The following PER2 variants were observed in gnomAD, a reference collection of about 807,000 sequenced individuals.
The protein encoded by PER2 is period circadian protein homolog 2.
A neutral mutation model predicts 121.0 loss-of-function variants in PER2; 66 were observed. That is an observed-to-expected ratio of 0.55 (90% CI 0.45 to 0.67). PER2 has a LOEUF of 0.67. Ranked by LOEUF, PER2 falls within the 30% of genes least tolerant of loss-of-function variation. The probability of loss-of-function intolerance (pLI) is 0.00; values close to 1 mark genes in which losing one functional copy is unlikely to be tolerated. For synonymous variants in PER2, 684 were observed against 659.9 expected, an observed-to-expected ratio of 1.04 and a Z score of -0.56; for missense variants, 1,521 against 1,635.0, an observed-to-expected ratio of 0.93 and a Z score of 1.20.
chr2:238,264,681 G>C (rs905860881), intron 9 of PER2, among the ~76,000 whole-genome samples: 4 of 152,136 alleles, frequency 2.6e-5, no homozygotes, highest in African/African-American at 9.7e-5. Flanking sequence ...CTGGAGTGCA[G>C]TGGTGCAATC....
chr2:238,289,640 TC>T, upstream of PER2: 1 of 152,172 alleles, frequency 6.6e-6, no homozygotes, highest in East Asian at 1.9e-4. Flanking sequence ...ACCAGAGCTA[TC>T]CCCACAGGCT....
At chr2:238,295,929 T>C in the PER2 span, 1 of 227,152 alleles carries the variant, frequency 4.4e-6, no homozygotes. Context: ...GCACGGATGG[T>C]TTGTTTGCAT....
chr2:238,246,366 G>A lies in PER2; in HGVS notation c.*9C>T, dbSNP rs747292230. 9 of 1,594,096 alleles carry A rather than the reference G, an allele frequency of 5.6e-6. No homozygotes were observed. In the Admixed American group the frequency reaches 1.4e-4, roughly 24 times the overall value. ...CCTCGCTGGCTGCCGGGCTGAGGTGGGGCAGGGGTTACGTCTGCTCTTCGA... is the reference window on the plus strand; with the variant it reads ...CCTCGCTGGCTGCCGGGCTGAGGTGAGGCAGGGGTTACGTCTGCTCTTCGA... On this transcript the variant is annotated 3_prime_UTR_variant, in exon 23 of 23. Coordinates refer to ENST00000254657, the MANE Select transcript of PER2 (RefSeq NM_022817.3).
rs750161141 is a variant in PER2 at position 238,262,241 on chromosome 2, G to A, written c.1257C>T (p.Asn419=). ...TLDTSWSSFI[N]PWSRKISFII... is the part of the protein sequence containing the mutation. ...TGAAGGAGATTTTCCTGCTCCATGGGTTGATGAAGCTGGACCAGCTGGTGT... is the reference window on the plus strand; with the variant it reads ...TGAAGGAGATTTTCCTGCTCCATGGATTGATGAAGCTGGACCAGCTGGTGT... Residue 419 remains asparagine (N), a synonymous_variant, in exon 11 of 23, where the codon AAC becomes AAT. Coordinates refer to ENST00000254657, the MANE Select transcript of PER2 (RefSeq NM_022817.3). 1 of 1,613,990 alleles carries A rather than the reference G, an allele frequency of 6.2e-7. No homozygotes were observed. Among genetic ancestry groups the A allele is most frequent in the Non-Finnish European group, 8.5e-7 (1 of 1,179,928 alleles).
At chr2:238,277,219 A>T (rs1231782887) in intron 2 of PER2, 26 bp from the exon 3 acceptor site, 1 of 1,481,940 alleles carries the variant, frequency 6.7e-7, no homozygotes. Flanking sequence ...ATAAAAGCAA[A>T]ATTTAGACAA....
At chr2:238,270,296 T>G (rs1411690887) in intron 6 of PER2, among the ~76,000 whole-genome samples, 1 of 152,124 alleles carries the variant, frequency 6.6e-6, no homozygotes, top group Non-Finnish European at 1.5e-5. Flanking sequence ...TCCTTTAAAA[T>G]GTGAAATGTC....
upstream of PER2, among the ~76,000 whole-genome samples, chr2:238,290,264 A>G (rs1396691739): frequency 6.6e-6 from 1 of 152,108 alleles, no homozygotes; most frequent in Non-Finnish European, 1.5e-5. Context: ...TTCCTCTGAC[A>G]TTGACACCTC....
the PER2 span, chr2:238,299,828 T>C: frequency 2.0e-5 from 3 of 152,266 alleles, no homozygotes; most frequent in African/African-American, 7.2e-5. Flanking sequence ...GCAAGGTGTT[T>C]GTTCTCAAGA....
At chr2:238,277,518 G>T (rs1018608237) in intron 2 of PER2, among the ~76,000 whole-genome samples, 189 bp downstream of exon 2, 5 of 152,198 alleles carry the variant, frequency 3.3e-5, no homozygotes, top group Non-Finnish European at 5.9e-5. Flanking sequence ...GTTGGCAACT[G>T]GATCTGCGAA....
At chr2:238,266,099 T>A (rs1435006204) in intron 8 of PER2, among the ~76,000 whole-genome samples, 5 of 151,858 alleles carry the variant, frequency 3.3e-5, no homozygotes, top group Non-Finnish European at 7.4e-5. Context: ...GAGGTGGGGT[T>A]TCACCGTGTT....
At chr2:238,272,502 G>A (rs972050304) in intron 5 of PER2, among the ~76,000 whole-genome samples, 5 of 152,240 alleles carry the variant, frequency 3.3e-5, no homozygotes, top group African/African-American at 1.2e-4. Context: ...AGATGGGAAG[G>A]ATTAGGGAGC....
chr2:238,293,267 A>C (rs753540532), upstream of PER2, among the ~76,000 whole-genome samples: 42 of 152,358 alleles, frequency 2.8e-4, no homozygotes, highest in Non-Finnish European at 5.3e-4. Context: ...TAAAATAATT[A>C]GTACCTGAAG....
At chr2:238,258,248 T>C (rs1478849158) in intron 16 of PER2, 28 bp downstream of exon 16, 1 of 1,613,218 alleles carries the variant, frequency 6.2e-7, no homozygotes, top group Non-Finnish European at 8.5e-7. Flanking sequence ...TTATTTCACA[T>C]GTACATGGCT....
Position 238,277,164 on chromosome 2 carries a change from T to A in PER2, c.260A>T (p.Lys87Ile). 6.2e-7 allele frequency: 1 copy of A among 1,613,526 alleles called. No homozygotes were observed. The highest frequency in any genetic ancestry group is 8.5e-7 in the Non-Finnish European group (1 of 1,179,442). The change falls in exon 3 of 23, where the codon AAA becomes ATA. Residue 87 changes from lysine (K) to isoleucine (I), a missense_variant. By Grantham distance (102) the Lys-to-Ile change is moderately radical. Coordinates refer to ENST00000254657, the MANE Select transcript of PER2 (RefSeq NM_022817.3). ...SPDTFSLMMA[K>I]SEHNPSTSGC... ...ACTTGTAGATGGGTTGTGTTCAGAT[T>A]TTGCCATCATCAGGCTAAAGGTATC... is the stretch of plus-strand genomic sequence containing the variant.
intron 6 of PER2, 113 bp downstream of exon 6, chr2:238,271,199 C>T: frequency 2.2e-6 from 2 of 892,384 alleles, no homozygotes; most frequent in South Asian, 1.3e-5. Context: ...GCGGCCCCCA[C>T]AGGTGGGCTC....
chr2:238,249,317 T>C, intron 21 of PER2, 105 bp from the exon 22 acceptor site: 1 of 1,208,872 alleles, frequency 8.3e-7, no homozygotes, highest in Non-Finnish European at 1.2e-6. Context: ...TTAATGCAAA[T>C]TTCCTTTTCT....
At chr2:238,262,162 G>C in intron 11 of PER2, 29 bp downstream of exon 11, 1 of 1,610,160 alleles carries the variant, frequency 6.2e-7, no homozygotes, top group African/African-American at 1.3e-5. Flanking sequence ...CAAGACCCCT[G>C]AGCCACCTCG....
chr2:238,259,154 G>A (rs1348315483), intron 14 of PER2, among the ~76,000 whole-genome samples: 1 of 152,198 alleles, frequency 6.6e-6, no homozygotes, highest in Non-Finnish European at 1.5e-5. Flanking sequence ...CAGCTCATTA[G>A]CGTGTCCCCA....
At chr2:238,292,275 T>C (rs1186118260), upstream of PER2, among the ~76,000 whole-genome samples, 1 of 152,226 alleles carries the variant, frequency 6.6e-6, no homozygotes, top group East Asian at 1.9e-4. Context: ...AGGGGAGACA[T>C]GTGGGTGTGA....
Sources: allele counts gnomAD v4.1 joint callset (sites outside exome capture counted in the v4.1 genomes callset), GRCh38; gene constraint gnomAD v4.1.1; transcripts MANE v1.5; gene names NCBI Gene and HGNC (gene_info 2026-07-23, HGNC 2026-07-21).